The following PPEF1 variants were observed in gnomAD, a reference collection of about 807,000 sequenced individuals.
PPEF1 encodes protein phosphatase with EF-hand domain 1.
PPEF1 carries 12 observed loss-of-function variants against 53.3 expected under a neutral mutation model. The observed-to-expected ratio is 0.23, with a 90% CI of 0.14 to 0.36. The LOEUF is 0.36. Ranked by LOEUF, PPEF1 falls within the 10% of genes least tolerant of loss-of-function variation. PPEF1 has a pLI of 1.00. For synonymous variants in PPEF1, 165 were observed against 176.7 expected (o/e 0.93, Z 0.52); for missense variants, 334 against 490.4 (o/e 0.68, Z 3.01).
intron 1 of PPEF1, among the ~76,000 whole-genome samples, chrX:18,718,273 C>G (rs16980867): frequency 9.0e-6 from 1 of 111,717 alleles, no homozygotes; most frequent in East Asian, 2.8e-4. Flanking sequence ...GAATCGTGAA[C>G]CTTTAGAAGG....
chrX:18,825,661 TTGA>T lies in PPEF1; in HGVS notation c.1666-84_1666-82del. ...TGTCTAAATCACATCATTTCAATTG[TTGA>T]TGATGTTTTCTGTTTGTTACATTTG... On this transcript the variant is annotated intron_variant, in intron 14 of 15. Coordinates refer to ENST00000470157, the MANE Select transcript of PPEF1 (RefSeq NM_001377996.1). 9.4e-6 allele frequency: 5 copies of T among 529,124 alleles called. No homozygotes were observed. In the East Asian group the frequency reaches 2.0e-4, roughly 21 times the overall value. The allele number at this position is 529,124 out of a possible 1,213,427, so 43.6% of individuals were successfully genotyped here.
intron 1 of PPEF1, among the ~76,000 whole-genome samples, chrX:18,721,523 T>G (rs1224002106): frequency 9.0e-6 from 1 of 110,567 alleles, no homozygotes; most frequent in Non-Finnish European, 1.9e-5. Context: ...GATGGATGAG[T>G]TAGAGTATTT....
chrX:18,789,827 TATTC>T (rs1165995020), intron 10 of PPEF1, among the ~76,000 whole-genome samples: 1 of 112,456 alleles, frequency 8.9e-6, no homozygotes, highest in Non-Finnish European at 1.9e-5. Flanking sequence ...ACATTGTATT[TATTC>T]ATTCATAAGC....
At chrX:18,740,916 A>ATTTTTTTTTTTTTTTTTTTTTTTTCTT (rs749122735) in intron 3 of PPEF1, among the ~76,000 whole-genome samples, 1 of 75,217 alleles carries the variant, frequency 1.3e-5, no homozygotes, top group African/African-American at 5.0e-5. Flanking sequence ...TGGGCCAACC[A>ATTTTTTTTTTTTTTTTTTTTTTTTCTT]TTTTTTTTTT....
chrX:18,728,207 A>G (rs1228989474), intron 1 of PPEF1, among the ~76,000 whole-genome samples: 1 of 110,441 alleles, frequency 9.1e-6, no homozygotes, highest in African/African-American at 3.3e-5. Context: ...CTCTCTCTAT[A>G]TATATATCTT....
At chrX:18,679,222 C>T (rs952682812), upstream of PPEF1, among the ~76,000 whole-genome samples, 6 of 111,762 alleles carry the variant, frequency 5.4e-5, no homozygotes, top group East Asian at 5.6e-4. Context: ...CACAGGCGTG[C>T]GCCACCACAT....
upstream of PPEF1, among the ~76,000 whole-genome samples, chrX:18,681,058 A>C (rs1203051257): frequency 4.5e-5 from 5 of 111,283 alleles, no homozygotes; most frequent in Admixed American, 4.8e-4. Context: ...GCTATTGTGA[A>C]TAGTGCCACA....
intron 15 of PPEF1, among the ~76,000 whole-genome samples, chrX:18,826,341 A>G (rs1226559938): frequency 9.6e-6 from 1 of 104,264 alleles, no homozygotes; most frequent in Non-Finnish European, 1.9e-5. Context: ...TATCTTAGTT[A>G]CTCATGGCCA....
chrX:18,811,703 G>T (rs6633152), intron 12 of PPEF1, among the ~76,000 whole-genome samples: 2 of 105,149 alleles, frequency 1.9e-5, no homozygotes, highest in Non-Finnish European at 3.9e-5. Flanking sequence ...GGCCTGCGGG[G>T]CTCAATTGAT....
chrX:18,716,633 A>C (rs1467242996), intron 1 of PPEF1, among the ~76,000 whole-genome samples: 1 of 109,885 alleles, frequency 9.1e-6, no homozygotes, highest in African/African-American at 3.3e-5. Flanking sequence ...TCCCAATTTG[A>C]AGTCCTTTAC....
chrX:18,737,547 TG>T (rs2045016876), intron 3 of PPEF1, among the ~76,000 whole-genome samples: 1 of 111,993 alleles, frequency 8.9e-6, no homozygotes, highest in Non-Finnish European at 1.9e-5. Flanking sequence ...CTTCCAACTA[TG>T]TGGTCAGTTT....
chrX:18,802,155 T>A (rs2046560602), intron 10 of PPEF1, among the ~76,000 whole-genome samples: 1 of 110,844 alleles, frequency 9.0e-6, no homozygotes, highest in Admixed American at 9.7e-5. Flanking sequence ...AGCCTCAACC[T>A]CCTGGGCTCA....
intron 9 of PPEF1, among the ~76,000 whole-genome samples, chrX:18,788,127 T>C (rs964488056): frequency 2.3e-4 from 25 of 110,467 alleles, no homozygotes; most frequent in East Asian, 8.6e-4. Context: ...CCATCCTGGC[T>C]AACACGGTGA....
chrX:18,716,567 GCCATTCACAGCTGCTTGAGAGCCCCCCT>G (rs2147317357), intron 1 of PPEF1, among the ~76,000 whole-genome samples: 1 of 104,247 alleles, frequency 9.6e-6, no homozygotes, highest in East Asian at 3.0e-4. Context: ...GAACAATCAA[GCCATTCACAGCTGCTTGAGAGCCCCCCT>G]CCCGGCTCTC....
At chrX:18,732,012 G>A (rs1354166797) in intron 2 of PPEF1, among the ~76,000 whole-genome samples, 1 of 112,195 alleles carries the variant, frequency 8.9e-6, no homozygotes, top group Non-Finnish European at 1.9e-5. Flanking sequence ...TCAGCCTCCT[G>A]AATAGCTGGG....
At chrX:18,790,107 G>A (rs2033411416) in intron 10 of PPEF1, among the ~76,000 whole-genome samples, 2 of 111,949 alleles carry the variant, frequency 1.8e-5, no homozygotes, top group African/African-American at 6.5e-5. Flanking sequence ...TCTAACACTT[G>A]TTATTGTCTA....
chrX:18,797,725 G>A (rs1042404372), intron 10 of PPEF1, among the ~76,000 whole-genome samples: 4 of 110,898 alleles, frequency 3.6e-5, no homozygotes, highest in East Asian at 2.8e-4. Context: ...ATTTTTAGAC[G>A]GAGTCTCGTT....
intron 5 of PPEF1, among the ~76,000 whole-genome samples, chrX:18,759,599 G>C (rs1276959913): frequency 9.0e-6 from 1 of 111,676 alleles, no homozygotes; most frequent in Non-Finnish European, 1.9e-5. Flanking sequence ...TGTCCAACTA[G>C]AAGTTAAAAA....
chrX:18,709,217 A>G (rs1018421482), intron 1 of PPEF1, among the ~76,000 whole-genome samples: 6 of 111,741 alleles, frequency 5.4e-5, no homozygotes, highest in East Asian at 2.8e-4. Flanking sequence ...GACATTTCCA[A>G]CACTCCAAAG....
Sources: allele counts gnomAD v4.1 joint callset (sites outside exome capture counted in the v4.1 genomes callset), GRCh38; gene constraint gnomAD v4.1.1; transcripts MANE v1.5; gene names NCBI Gene and HGNC (gene_info 2026-07-23, HGNC 2026-07-21).